PHACTR3: variants seen among roughly 807,000 people sequenced by gnomAD.
PHACTR3 encodes the protein phosphatase and actin regulator 3, also known as protein phosphatase 1, regulatory subunit 123.
A neutral mutation model predicts 66.8 loss-of-function variants in PHACTR3; 16 were observed. That is an observed-to-expected ratio of 0.24 (90% CI 0.16 to 0.36). The LOEUF is 0.36. Among genes scored for constraint, PHACTR3 ranks in the 10% least tolerant of loss-of-function variants. The probability of loss-of-function intolerance (pLI) is 1.00; values close to 1 mark genes in which losing one functional copy is unlikely to be tolerated. For synonymous variants in PHACTR3, 323 were observed against 292.1 expected, an observed-to-expected ratio of 1.11 and a Z score of -1.08; for missense variants, 647 against 719.9, an observed-to-expected ratio of 0.90 and a Z score of 1.16.
In PHACTR3 at chr20:59,773,675, A is replaced by C. The variant is rs2040432329; in HGVS notation, c.926+222A>C. ...GGGACGGGGTGCACAGTGAATGTGC[A>C]CTATGGGAACCTGGCCACAAAGTCC... On this transcript the variant is annotated intron_variant, in intron 6 of 12. Coordinates refer to ENST00000371015, the MANE Select transcript of PHACTR3 (RefSeq NM_080672.5). Among the ~76,000 whole-genome samples, 4 of 152,194 alleles carry C rather than the reference A, an allele frequency of 2.6e-5. No individual in the cohort carries two copies. The South Asian group carries it at 8.3e-4, about 32-fold the overall frequency.
chr20:59,641,288 C>A (rs2035094993), intron 1 of PHACTR3, among the ~76,000 whole-genome samples: 1 of 152,022 alleles, frequency 6.6e-6, no homozygotes, highest in African/African-American at 2.4e-5. Flanking sequence ...CATTGTCTGT[C>A]TATCTGTCTA....
At chr20:59,653,065 A>T (rs972008304) in intron 1 of PHACTR3, among the ~76,000 whole-genome samples, 1 of 152,226 alleles carries the variant, frequency 6.6e-6, no homozygotes, top group African/African-American at 2.4e-5. Context: ...TGAATTTTAA[A>T]GTGTGTAAAT....
intron 1 of PHACTR3, among the ~76,000 whole-genome samples, chr20:59,659,887 C>T (rs1246073597): frequency 1.3e-5 from 2 of 152,122 alleles, no homozygotes; most frequent in East Asian, 1.9e-4. Context: ...CAGAGAGCTA[C>T]GTTTGTTTTC....
intron 1 of PHACTR3, among the ~76,000 whole-genome samples, chr20:59,609,434 C>G (rs1003728360): frequency 6.6e-6 from 1 of 152,130 alleles, no homozygotes; most frequent in Non-Finnish European, 1.5e-5. Context: ...CTGCCAGACA[C>G]GGGCCTCCTG....
chr20:59,824,704 A>G (rs1437655856), intron 8 of PHACTR3, among the ~76,000 whole-genome samples: 4 of 152,206 alleles, frequency 2.6e-5, no homozygotes, highest in African/African-American at 7.2e-5. Flanking sequence ...GGCAGGTTAG[A>G]GAATATATGC....
chr20:59,683,402 G>A (rs998212906), intron 1 of PHACTR3, among the ~76,000 whole-genome samples: 5 of 152,150 alleles, frequency 3.3e-5, no homozygotes, highest in African/African-American at 1.2e-4. Context: ...AGCTGAATGT[G>A]AGCTAACGCG....
chr20:59,774,589 T>G, intron 7 of PHACTR3, 99 bp downstream of exon 7: 1 of 1,466,848 alleles, frequency 6.8e-7, no homozygotes, highest in East Asian at 2.3e-5. Context: ...GAGGAACAGG[T>G]CGAGGGGCTG....
chr20:59,805,955 G>A, intron 7 of PHACTR3, 86 bp from the exon 8 acceptor site: 2 of 1,427,668 alleles, frequency 1.4e-6, no homozygotes, highest in South Asian at 1.4e-5. Context: ...TCTGGCAGGT[G>A]GGCGGCTCCA....
chr20:59,752,001 C>G (rs1157927998), intron 3 of PHACTR3, among the ~76,000 whole-genome samples: 2 of 152,156 alleles, frequency 1.3e-5, no homozygotes, highest in Non-Finnish European at 2.9e-5. Context: ...GTTGACTTGG[C>G]ATTTTCTTAA....
Position 59,689,474 on chromosome 20 carries a change from C to T in PHACTR3, c.119-53633C>T, listed in dbSNP as rs76853383. Among the ~76,000 whole-genome samples the T allele has an allele frequency of 4.0e-3, 611 of 152,296 alleles. 5 individuals are homozygous for T. The highest frequency in any genetic ancestry group is 0.036 in the East Asian group (185 of 5,178). Reference sequence around the variant, plus strand: ...ATCTTGAGGAGTTTCGTAGAGGTGCCGCAGGGTCTGCCTGTTGAGGAGCAA... The same window carrying T: ...ATCTTGAGGAGTTTCGTAGAGGTGCTGCAGGGTCTGCCTGTTGAGGAGCAA... On this transcript the variant is annotated intron_variant, in intron 1 of 12. Coordinates refer to ENST00000371015, the MANE Select transcript of PHACTR3 (RefSeq NM_080672.5).
chr20:59,649,259 C>A (rs930603883), intron 1 of PHACTR3, among the ~76,000 whole-genome samples: 1 of 152,120 alleles, frequency 6.6e-6, no homozygotes, highest in African/African-American at 2.4e-5. Context: ...ATGGTTAGGG[C>A]AAAACAACTC....
chr20:59,592,364 G>A (rs576938403), intron 1 of PHACTR3, among the ~76,000 whole-genome samples: 10 of 152,110 alleles, frequency 6.6e-5, no homozygotes, highest in South Asian at 4.2e-4. Context: ...ATAGACCCCC[G>A]TCCCAACATA....
intron 1 of PHACTR3, among the ~76,000 whole-genome samples, chr20:59,589,484 A>T (rs1289265357): frequency 6.6e-6 from 1 of 152,208 alleles, no homozygotes; most frequent in Non-Finnish European, 1.5e-5. Context: ...TTTTTAAAGC[A>T]CTACCTATAA....
At chr20:59,593,140 G>T (rs1592270) in intron 1 of PHACTR3, among the ~76,000 whole-genome samples, 38,711 of 152,148 alleles carry the variant, frequency 0.25, 5,576 homozygotes, top group Non-Finnish European at 0.34. Context: ...GAGAGTTCCT[G>T]TTGCTCCACA....
rs2033593141 is a variant in PHACTR3, at chr20:59,604,654, C to T, written c.-361C>T. 1 of 992,270 alleles carries T rather than the reference C, an allele frequency of 1.0e-6. No individual in the cohort carries two copies. Among genetic ancestry groups the T allele is most frequent in the Non-Finnish European group, 1.2e-6 (1 of 834,540 alleles). The allele number at this position is 992,270 out of a possible 1,614,324, so 61.5% of individuals were successfully genotyped here. A position where few individuals can be genotyped will look rare whatever the true frequency, so the allele number is the denominator to read the frequency against. On this transcript the variant is annotated 5_prime_UTR_variant, in exon 1 of 13. Transcript: ENST00000371015. Reference sequence around the variant, plus strand: ...AGACATTCCAGGACATCACCCCCTGCCCCAAGCACGCAATAAACACTGACA... The same window carrying T: ...AGACATTCCAGGACATCACCCCCTGTCCCAAGCACGCAATAAACACTGACA...
chr20:59,745,670 C>T (rs748253512), intron 2 of PHACTR3, among the ~76,000 whole-genome samples: 7 of 152,192 alleles, frequency 4.6e-5, no homozygotes, highest in Non-Finnish European at 8.8e-5. Context: ...ATGTAGCAAA[C>T]AGTGGTTTTG....
chr20:59,810,613 G>A (rs935374152), intron 8 of PHACTR3, among the ~76,000 whole-genome samples: 2 of 152,188 alleles, frequency 1.3e-5, no homozygotes, highest in South Asian at 2.1e-4. Flanking sequence ...GAACATTTGC[G>A]ATTTCCTTTT....
chr20:59,772,360 G>A (rs1319685358), intron 5 of PHACTR3, among the ~76,000 whole-genome samples: 1 of 152,164 alleles, frequency 6.6e-6, no homozygotes, highest in African/African-American at 2.4e-5. Flanking sequence ...CCAGGCCTGG[G>A]GAAACTGTAG....
At chr20:59,662,036 GA>G (rs1259387561) in intron 1 of PHACTR3, among the ~76,000 whole-genome samples, 1 of 152,134 alleles carries the variant, frequency 6.6e-6, no homozygotes, top group African/African-American at 2.4e-5. Flanking sequence ...TTAGAGACAG[GA>G]AACTTGTGCT....
Sources: gnomAD v4.1 joint callset for allele counts (sites outside exome capture counted in the v4.1 genomes callset) on GRCh38, gnomAD v4.1.1 for gene constraint, MANE v1.5 for transcripts, NCBI Gene and HGNC (gene_info 2026-07-23, HGNC 2026-07-21) for gene names.